RRP1B: variants seen among roughly 807,000 people sequenced by gnomAD.
RRP1B encodes ribosomal RNA processing protein 1 homolog B.
In RRP1B, 56 loss-of-function variants were observed where a neutral mutation model predicts 80.2. The observed-to-expected ratio is 0.70, with a 90% CI of 0.56 to 0.87. RRP1B has a LOEUF of 0.87. Among genes scored for constraint, RRP1B ranks in the 40% least tolerant of loss-of-function variants. The pLI, the probability that RRP1B is intolerant of heterozygous loss-of-function variation, is 0.00. For synonymous variants in RRP1B, 351 were observed against 357.6 expected, an observed-to-expected ratio of 0.98 and a Z score of 0.21; for missense variants, 807 against 939.8, an observed-to-expected ratio of 0.86 and a Z score of 1.85.
At chr21:43,669,803 T>G in intron 1 of RRP1B, 81 bp from the exon 2 acceptor site, 1 of 923,860 alleles carries the variant, frequency 1.1e-6, no homozygotes, top group Non-Finnish European at 1.7e-6. Context: ...AATTAAAATG[T>G]ATGTGATACT....
At position 43,693,389 on chromosome 21, in the gene RRP1B, A is replaced by G. The variant is rs1385619005; in HGVS notation, c.*6A>G. On this transcript the variant is annotated 3_prime_UTR_variant, in exon 16 of 16. Coordinates refer to ENST00000340648, the MANE Select transcript of RRP1B (RefSeq NM_015056.3). This position sits in a 1 kb window ranked among gnomAD's most constrained non-coding sequence, Gnocchi z 4.1. Reference sequence around the variant, plus strand: ...GGGCTATGGATTTCTTCTGAGGAGCAGCAGAGTCCCTTGTAAAAGACTGCT... The same window carrying G: ...GGGCTATGGATTTCTTCTGAGGAGCGGCAGAGTCCCTTGTAAAAGACTGCT... The G allele has an allele frequency of 2.6e-6, 4 of 1,545,030 alleles. No homozygotes were observed. The highest frequency in any genetic ancestry group is 3.5e-6 in the Non-Finnish European group (4 of 1,148,426).
intron 7 of RRP1B, 79 bp from the exon 8 acceptor site, chr21:43,676,654 C>G: frequency 3.4e-5 from 44 of 1,310,622 alleles, no homozygotes; most frequent in Non-Finnish European, 4.3e-5. Context: ...GTGTGCAGGG[C>G]TTCCCTCTGT....
In RRP1B at chr21:43,691,608, A is replaced by C; in HGVS notation, c.2083+106A>C. On this transcript the variant is annotated intron_variant, in intron 15 of 15. Coordinates refer to ENST00000340648, the MANE Select transcript of RRP1B (RefSeq NM_015056.3). This position sits in a 1 kb window ranked among gnomAD's most constrained non-coding sequence, Gnocchi z 4.2. ...GGCGGTCGGGGAAGAGGGGGGTCCT[A>C]GCTCCTCACTGCCCATTTCTTTATT... 4 of 828,938 alleles carry C rather than the reference A, an allele frequency of 4.8e-6. No individual in the cohort carries two copies. The highest frequency in any genetic ancestry group is 8.0e-6 in the Non-Finnish European group (4 of 497,838). 51.3% of individuals were successfully genotyped at this position (828,938 alleles called of 1,614,324 possible).
chr21:43,666,967 CACTT>C (rs968507446), intron 1 of RRP1B, among the ~76,000 whole-genome samples: 9 of 152,040 alleles, frequency 5.9e-5, no homozygotes, highest in African/African-American at 1.7e-4. Flanking sequence ...CCTGTTGTCT[CACTT>C]ACCATGTTCC....
chr21:43,692,376 A>G (rs1041317867), intron 15 of RRP1B, among the ~76,000 whole-genome samples: 6 of 152,154 alleles, frequency 3.9e-5, no homozygotes, highest in African/African-American at 1.4e-4. Flanking sequence ...CAAGGTGGGC[A>G]GATCATGAGG....
At position 43,691,260 on chromosome 21, in the gene RRP1B, G is replaced by A. The variant is rs904257676; in HGVS notation, c.2020-179G>A. Reference sequence around the variant, plus strand: ...CAAAGGGCGGTCCTGGTGAAGCCCCGACAGGAGGGTCGGTTTCAGTCTTGG... The same window carrying A: ...CAAAGGGCGGTCCTGGTGAAGCCCCAACAGGAGGGTCGGTTTCAGTCTTGG... On this transcript the variant is annotated intron_variant, in intron 14 of 15. Coordinates refer to ENST00000340648, the MANE Select transcript of RRP1B (RefSeq NM_015056.3). The surrounding 1 kb of genome is among the most constrained non-coding windows in gnomAD (Gnocchi z 4.2). Among the ~76,000 whole-genome samples, 4 of 152,290 alleles carry A rather than the reference G, an allele frequency of 2.6e-5. No individual in the cohort carries two copies. Among genetic ancestry groups the A allele is most frequent in the South Asian group, 4.1e-4 (2 of 4,824 alleles).
chr21:43,677,406 G>A (rs1480410066), intron 8 of RRP1B, among the ~76,000 whole-genome samples: 1 of 152,122 alleles, frequency 6.6e-6, no homozygotes, highest in African/African-American at 2.4e-5. Context: ...ACTGTTTTGT[G>A]TCTGGACTTA....
intron 13 of RRP1B, 144 bp downstream of exon 13, chr21:43,688,384 A>G: frequency 9.9e-7 from 1 of 1,006,778 alleles, no homozygotes; most frequent in Non-Finnish European, 1.4e-6. Flanking sequence ...TGTGTTCATA[A>G]CAGCCTTCAC....
chr21:43,660,085 T>C (rs1186020863), intron 1 of RRP1B, among the ~76,000 whole-genome samples: 1 of 152,250 alleles, frequency 6.6e-6, no homozygotes, highest in East Asian at 1.9e-4. Context: ...ATCACTGGGC[T>C]GCCCTGATTT....
chr21:43,670,783 C>A (rs1334771988), intron 2 of RRP1B, among the ~76,000 whole-genome samples: 3 of 152,096 alleles, frequency 2.0e-5, no homozygotes, highest in Non-Finnish European at 2.9e-5. Flanking sequence ...CTGGACACCC[C>A]TGAGGTAGAG....
chr21:43,674,599 T>TTTTC, intron 4 of RRP1B, 37 bp from the exon 5 acceptor site: 1 of 1,346,652 alleles, frequency 7.4e-7, no homozygotes, highest in Non-Finnish European at 1.0e-6. Context: ...TTTTTTTTTT[T>TTTTC]TTTTTTTTTT....
rs372094472 is a variant in RRP1B at position 43,676,370 on chromosome 21, G to A, written c.614+34G>A. On this transcript the variant is annotated intron_variant, in intron 7 of 15. Transcript: ENST00000340648. ...TTCCCCTGTTCGTTCCTCCTGCTCC[G>A]TGGCATTTGCTCATGGGAGTTACTT... The A allele has an allele frequency of 8.7e-5, 134 of 1,539,432 alleles. No individual in the cohort carries two copies. In the African/African-American group the frequency reaches 1.2e-3, roughly 13 times the overall value.
At chr21:43,674,064 G>C in intron 4 of RRP1B, 109 bp downstream of exon 4, 1 of 778,216 alleles carries the variant, frequency 1.3e-6, no homozygotes. Flanking sequence ...CACAGGCTTA[G>C]TGTGAAGGAA....
chr21:43,662,264 A>G (rs776772586), intron 1 of RRP1B, among the ~76,000 whole-genome samples: 3 of 152,260 alleles, frequency 2.0e-5, no homozygotes, highest in Non-Finnish European at 1.5e-5. Flanking sequence ...CCAGTGCTCC[A>G]GAGTCCTGTC....
Position 43,688,112 on chromosome 21 carries a change from C to T in RRP1B, c.1738C>T (p.Leu580=). 1.2e-6 allele frequency: 2 copies of T among 1,600,540 alleles called. No individual in the cohort carries two copies. The highest frequency in any genetic ancestry group is 1.7e-6 in the Non-Finnish European group (2 of 1,174,036). Residue 580 remains leucine (L), a synonymous_variant, in exon 13 of 16, where the codon CTG becomes TTG. Transcript: ENST00000340648. The part of the protein sequence containing the change: ...LQKKKAGPGS[L]ELCGLPSQKT... ...GAAAAAGAAGGCAGGGCCCGGCAGCCTGGAGCTCTGTGGCCTGCCCAGCCA... is the reference window on the plus strand; with the variant it reads ...GAAAAAGAAGGCAGGGCCCGGCAGCTTGGAGCTCTGTGGCCTGCCCAGCCA...
rs2083013139 is a variant in RRP1B at position 43,674,522 on chromosome 21, C to A, written c.358-114C>A. On this transcript the variant is annotated intron_variant, in intron 4 of 15. Coordinates refer to ENST00000340648, the MANE Select transcript of RRP1B (RefSeq NM_015056.3). ...GTGAATATTTTTTTACTTTTGGGATCCAGGCCATAACAATTTCATTGGTCC... is the reference window on the plus strand; with the variant it reads ...GTGAATATTTTTTTACTTTTGGGATACAGGCCATAACAATTTCATTGGTCC... 6 of 747,878 alleles carry A rather than the reference C, an allele frequency of 8.0e-6. No individual in the cohort carries two copies. The East Asian group carries it at 1.4e-4, about 18-fold the overall frequency. 46.3% of individuals were successfully genotyped at this position (747,878 alleles called of 1,614,324 possible). A position where few individuals can be genotyped will look rare whatever the true frequency, so the allele number is the denominator to read the frequency against.
At chr21:43,685,726 T>G in intron 10 of RRP1B, 44 bp from the exon 11 acceptor site, 2 of 1,341,904 alleles carry the variant, frequency 1.5e-6, no homozygotes, top group Non-Finnish European at 2.0e-6. Context: ...TTTATGAACA[T>G]TTGTTATTTT....
chr21:43,685,550 G>A (rs1051750982), intron 10 of RRP1B, among the ~76,000 whole-genome samples: 3 of 152,110 alleles, frequency 2.0e-5, no homozygotes, highest in African/African-American at 2.4e-5. Flanking sequence ...AACCGAGGGC[G>A]GCACTGGCCT....
At chr21:43,663,488 C>T (rs866232671) in intron 1 of RRP1B, among the ~76,000 whole-genome samples, 76 of 152,186 alleles carry the variant, frequency 5.0e-4, no homozygotes, top group African/African-American at 1.7e-3. Context: ...AGCTCCTGAC[C>T]TCATGATCCG....
Sources: gnomAD v4.1 joint callset for allele counts (sites outside exome capture counted in the v4.1 genomes callset) on GRCh38, gnomAD v4.1.1 for gene constraint, Gnocchi (gnomAD v3.1) non-coding constraint, MANE v1.5 for transcripts, NCBI Gene and HGNC (gene_info 2026-07-23, HGNC 2026-07-21) for gene names.